Variants in HIVEP2 observed in about 807,000 individuals in gnomAD.
HIVEP2 encodes the protein transcription factor HIVEP2.
Under a neutral mutation model 180.7 loss-of-function variants are expected in HIVEP2, and 14 were observed. That is an observed-to-expected ratio of 0.08 (90% CI 0.05 to 0.12). The LOEUF (loss-of-function observed/expected upper bound fraction) is 0.12, where lower values mean the gene tolerates loss of function less well. HIVEP2 is among the 10% of genes least tolerant of loss of function. HIVEP2 has a pLI of 1.00. For missense variants in HIVEP2, 2,579 were observed against 3,008.5 expected, an observed-to-expected ratio of 0.86 and a Z score of 3.34; for synonymous variants, 1,184 against 1,136.4, an observed-to-expected ratio of 1.04 and a Z score of -0.84.
rs1776458286 is a variant in HIVEP2 at position 142,877,044 on chromosome 6, G to T, written c.-640-39997C>A. On this transcript the variant is annotated intron_variant, in intron 1 of 9. Transcript: ENST00000367603. ...AGGGGGTGCAACAGAGTGACACCCT[G>T]TCTCAAATAAAAACATTAAAGTAAA... is the stretch of plus-strand genomic sequence containing the variant. 2.0e-5 allele frequency among the ~76,000 whole-genome samples: 3 copies of T among 152,164 alleles called. No homozygotes were observed. The South Asian group carries it at 6.2e-4, about 32-fold the overall frequency.
intron 2 of HIVEP2, among the ~76,000 whole-genome samples, chr6:142,824,680 G>C (rs954453802): frequency 6.6e-6 from 1 of 152,142 alleles, no homozygotes; most frequent in Non-Finnish European, 1.5e-5. Context: ...CCTCGTAGCC[G>C]TGTAACACAA....
At chr6:142,826,374 A>T (rs180874092) in intron 2 of HIVEP2, among the ~76,000 whole-genome samples, 5 of 152,292 alleles carry the variant, frequency 3.3e-5, no homozygotes, top group Admixed American at 1.3e-4. Flanking sequence ...CCCAGTCTCA[A>T]TGGTCCCTCA....
intron 1 of HIVEP2, among the ~76,000 whole-genome samples, chr6:142,868,152 G>T (rs566490353): frequency 2.2e-4 from 34 of 152,304 alleles, no homozygotes; most frequent in Admixed American, 7.2e-4. Flanking sequence ...CCGGGCTACA[G>T]TTCACTTAAC....
intron 2 of HIVEP2, among the ~76,000 whole-genome samples, chr6:142,797,697 C>T (rs1776310763): frequency 6.6e-6 from 1 of 152,092 alleles, no homozygotes; most frequent in African/African-American, 2.4e-5. Context: ...ACTCACACAA[C>T]TTGTATTACA....
At position 142,803,324 on chromosome 6, in the gene HIVEP2, C is replaced by G. The variant is rs561145270; in HGVS notation, c.-527-19709G>C. ...AGCTTTCAAAATAGATTTATTTCTG[C>G]TATTTTTTCTGACTATATTTTAAAA... On this transcript the variant is annotated intron_variant, in intron 2 of 9. Transcript: ENST00000367603. 3.0e-3 allele frequency among the ~76,000 whole-genome samples: 459 copies of G among 152,140 alleles called. 2 individuals carry two copies. The highest frequency in any genetic ancestry group is 0.011 in the African/African-American group (437 of 41,526).
At chr6:142,914,366 G>C (rs1270050026) in intron 1 of HIVEP2, among the ~76,000 whole-genome samples, 6 of 152,092 alleles carry the variant, frequency 3.9e-5, no homozygotes, top group Non-Finnish European at 7.4e-5. Context: ...TGATACCTTA[G>C]AGTCTATGAA....
chr6:142,880,315 C>T (rs909322452), intron 1 of HIVEP2, among the ~76,000 whole-genome samples: 2 of 152,084 alleles, frequency 1.3e-5, no homozygotes, highest in Non-Finnish European at 2.9e-5. Flanking sequence ...CCATAACTTG[C>T]ACCCTCCCCC....
chr6:142,786,317 C>A (rs1436528273), intron 2 of HIVEP2, among the ~76,000 whole-genome samples: 1 of 152,054 alleles, frequency 6.6e-6, no homozygotes, highest in Non-Finnish European at 1.5e-5. Flanking sequence ...ACTTAACAGG[C>A]AATGAAACCT....
At chr6:142,911,580 C>T (rs1301435263) in intron 1 of HIVEP2, among the ~76,000 whole-genome samples, 1 of 152,144 alleles carries the variant, frequency 6.6e-6, no homozygotes, top group Non-Finnish European at 1.5e-5. Context: ...CATCTGAGAC[C>T]CTTTTTTGCA....
intron 2 of HIVEP2, among the ~76,000 whole-genome samples, chr6:142,786,667 G>C (rs1026108635): frequency 1.3e-5 from 2 of 152,214 alleles, no homozygotes; most frequent in Non-Finnish European, 2.9e-5. Context: ...ATTAAGCTAA[G>C]CAAGAGTCAA....
chr6:142,833,542 G>T (rs1562256640), intron 2 of HIVEP2, among the ~76,000 whole-genome samples: 2 of 152,182 alleles, frequency 1.3e-5, no homozygotes, highest in South Asian at 4.1e-4. Flanking sequence ...AACAAAATGG[G>T]ATTTGCTCAT....
At chr6:142,886,126 T>C (rs1415767969) in intron 1 of HIVEP2, among the ~76,000 whole-genome samples, 1 of 152,222 alleles carries the variant, frequency 6.6e-6, no homozygotes, top group Non-Finnish European at 1.5e-5. Context: ...TTTGATCCTT[T>C]ACAGAAATAA....
intron 1 of HIVEP2, among the ~76,000 whole-genome samples, chr6:142,925,916 T>G (rs1777796966): frequency 1.3e-5 from 2 of 152,368 alleles, no homozygotes; most frequent in African/African-American, 4.8e-5. Context: ...GCATTTTGGC[T>G]GTGTGTCCAA....
In HIVEP2 at chr6:142,753,217, T is replaced by C. The variant is rs1390268585; in HGVS notation, c.7231A>G (p.Ser2411Gly). The C allele has an allele frequency of 3.4e-5, 55 of 1,614,146 alleles. No individual in the cohort carries two copies. The East Asian group carries it at 1.2e-3, about 34-fold the overall frequency. ...QTPLAHSTFYSKSCVDDKQLD... is the reference protein window; with the variant it reads ...QTPLAHSTFYGKSCVDDKQLD... ...TGCTTGTCATCCACACAACTCTTGC[T>C]GTAAAACGTGGAGTGAGCTAATGGA... The change falls in exon 10 of 10, where the codon AGC (serine) becomes GGC (glycine). Residue 2411 changes from serine (S) to glycine (G), a missense_variant. Physicochemically the swap from Ser to Gly is moderately conservative, Grantham distance 56. Transcript: ENST00000367603.
At chr6:142,823,486 G>C (rs1777097139) in intron 2 of HIVEP2, among the ~76,000 whole-genome samples, 1 of 152,194 alleles carries the variant, frequency 6.6e-6, no homozygotes, top group African/African-American at 2.4e-5. Flanking sequence ...TTCCAAAGCA[G>C]AGAAGATTCA....
At chr6:142,867,098 A>G (rs1443340522) in intron 1 of HIVEP2, among the ~76,000 whole-genome samples, 1 of 152,040 alleles carries the variant, frequency 6.6e-6, no homozygotes, top group Non-Finnish European at 1.5e-5. Flanking sequence ...AAATAATTGG[A>G]CGTGTGTGTT....
At position 142,768,464 on chromosome 6, in the gene HIVEP2, T is replaced by C. The variant is rs773097609; in HGVS notation, c.5260A>G (p.Arg1754Gly). ...RKLVGNILKERGKGDIHGDKD... is the reference protein window; with the variant it reads ...RKLVGNILKEGGKGDIHGDKD... Reference sequence around the variant, plus strand: ...TCTCCATGAATATCTCCTTTCCCTCTTTCCTTTAAGATATTTCCCACTAGT... The same window carrying C: ...TCTCCATGAATATCTCCTTTCCCTCCTTCCTTTAAGATATTTCCCACTAGT... The change falls in exon 6 of 10, where the codon AGA becomes GGA. Residue 1754 changes from arginine to glycine, a missense_variant. Physicochemically the swap from Arg to Gly is moderately radical, Grantham distance 125. Coordinates refer to ENST00000367603, the MANE Select transcript of HIVEP2 (RefSeq NM_006734.4). The C allele has an allele frequency of 6.2e-7, 1 of 1,613,520 alleles. No individual in the cohort carries two copies. Among genetic ancestry groups the C allele is most frequent in the Non-Finnish European group, 8.5e-7 (1 of 1,179,602 alleles).
intron 1 of HIVEP2, among the ~76,000 whole-genome samples, chr6:142,851,718 TCTAAATATCC>T (rs1247927890): frequency 3.9e-5 from 6 of 152,210 alleles, no homozygotes; most frequent in African/African-American, 1.4e-4. Flanking sequence ...GTTGAAGAAA[TCTAAATATCC>T]TGCCATGACT....
chr6:142,871,705 C>T (rs1212283593), intron 1 of HIVEP2, among the ~76,000 whole-genome samples: 1 of 151,960 alleles, frequency 6.6e-6, no homozygotes, highest in African/African-American at 2.4e-5. Flanking sequence ...TTTTATCTCT[C>T]CTCTCCCTAA....
Sources: gnomAD v4.1 joint callset for allele counts (sites outside exome capture counted in the v4.1 genomes callset) on GRCh38, gnomAD v4.1.1 for gene constraint, MANE v1.5 for transcripts, NCBI Gene and HGNC (gene_info 2026-07-23, HGNC 2026-07-21) for gene names.